The following ZNF215 variants were observed in gnomAD, a reference collection of about 807,000 sequenced individuals.
ZNF215 encodes the protein zinc finger protein 215, also known as BWSCR2-associated zinc finger protein 2.
In ZNF215, 24 loss-of-function variants were observed where a neutral mutation model predicts 27.2. The ratio of observed to expected loss-of-function variants is 0.88; its 90% confidence interval spans 0.64 to 1.24. The LOEUF is 1.24. ZNF215 is among the 50% of genes most tolerant of loss of function. ZNF215 has a pLI of 0.00. For synonymous variants in ZNF215, 210 were observed against 204.0 expected (o/e 1.03, Z -0.25); for missense variants, 675 against 605.7 (o/e 1.11, Z -1.20).
intron 5 of ZNF215, among the ~76,000 whole-genome samples, chr11:6,965,678 A>G (rs975733255): frequency 2.0e-5 from 3 of 152,192 alleles, no homozygotes; most frequent in Non-Finnish European, 4.4e-5. Flanking sequence ...CATTATAAAT[A>G]GTACTGTTTT....
At chr11:6,951,525 G>A (rs1301859023) in intron 6 of ZNF215, among the ~76,000 whole-genome samples, 1 of 152,128 alleles carries the variant, frequency 6.6e-6, no homozygotes, top group Non-Finnish European at 1.5e-5. Context: ...TTGCATAGAG[G>A]TGTTTGTAGT....
chr11:6,930,022 C>T (rs1190780237), intron 2 of ZNF215, among the ~76,000 whole-genome samples: 1 of 151,312 alleles, frequency 6.6e-6, no homozygotes, highest in African/African-American at 2.4e-5. Context: ...TTATATTGTT[C>T]CAGATTTGGC....
chr11:6,934,502 A>G (rs772890488), intron 3 of ZNF215, among the ~76,000 whole-genome samples: 7 of 152,200 alleles, frequency 4.6e-5, no homozygotes, highest in Non-Finnish European at 1.0e-4. Context: ...CTCAGCTAAA[A>G]TCAAGGTAGT....
At chr11:6,929,700 T>A (rs910800032) in intron 2 of ZNF215, among the ~76,000 whole-genome samples, 1 of 152,194 alleles carries the variant, frequency 6.6e-6, no homozygotes, top group Admixed American at 6.5e-5. Context: ...ACATGACTTA[T>A]CGCTATTAAT....
At chr11:6,958,880 C>T (rs995462275), downstream of ZNF215, among the ~76,000 whole-genome samples, 1 of 152,182 alleles carries the variant, frequency 6.6e-6, no homozygotes, top group Non-Finnish European at 1.5e-5. Context: ...GGCTGGAAGA[C>T]TAAGCCAGTC....
intron 1 of ZNF215, among the ~76,000 whole-genome samples, chr11:6,927,361 G>C (rs538506978): frequency 1.3e-5 from 2 of 152,064 alleles, no homozygotes; most frequent in African/African-American, 4.8e-5. Context: ...AGCTACTCTC[G>C]CCAGGTGGTT....
chr11:6,949,422 C>G (rs1292023610), intron 6 of ZNF215, among the ~76,000 whole-genome samples: 1 of 151,892 alleles, frequency 6.6e-6, no homozygotes, highest in African/African-American at 2.4e-5. Context: ...TGTTTCCTGA[C>G]TTTTTAATGA....
In ZNF215 at chr11:6,967,006, T is replaced by C. The variant is rs148297898; in HGVS notation, c.805+11224T>C. 8.0e-3 allele frequency among the ~76,000 whole-genome samples: 1,216 copies of C among 152,118 alleles called. 14 individuals are homozygous for C. Among genetic ancestry groups the C allele is most frequent in the African/African-American group, 0.028 (1,167 of 41,466 alleles). On this transcript the variant is annotated intron_variant, in intron 5 of 5. Coordinates refer to the ZNF215 transcript ENST00000529903. ...CCCTGGTGTATGATGTTCCCCTCCC[T>C]GTGTCCATGTGTTCTCTTTGTTCAC...
downstream of ZNF215, among the ~76,000 whole-genome samples, chr11:6,985,519 C>T (rs2172228): frequency 6.6e-6 from 1 of 151,610 alleles, no homozygotes; most frequent in Non-Finnish European, 1.5e-5. Flanking sequence ...CTCCTATTCA[C>T]CTTAGTAGTG....
rs1478180344 is a variant in ZNF215, at chr11:6,926,562, G to C, written c.-449G>C. On this transcript the variant is annotated 5_prime_UTR_variant, in exon 1 of 7. Coordinates refer to ENST00000278319, the MANE Select transcript of ZNF215 (RefSeq NM_013250.4). ...TGTTCCGCGGCAATTTATGAAACTC[G>C]GAGCCGGCAGTGAGTTGAGGGTTCG... 6.6e-6 allele frequency: 1 copy of C among 152,304 alleles called. No homozygotes were observed. Among genetic ancestry groups the C allele is most frequent in the African/African-American group, 2.4e-5 (1 of 41,458 alleles). 9.4% of individuals were successfully genotyped at this position (152,304 alleles called of 1,614,324 possible). A position where few individuals can be genotyped will look rare whatever the true frequency, so the allele number is the denominator to read the frequency against.
downstream of ZNF215, among the ~76,000 whole-genome samples, chr11:6,961,250 C>T (rs1205168582): frequency 8.5e-5 from 13 of 152,056 alleles, no homozygotes; most frequent in African/African-American, 2.7e-4. Context: ...ACAAAGAATG[C>T]TTGCATTTTT....
chr11:6,955,813 A>T lies in ZNF215; in HGVS notation c.836A>T (p.Lys279Ile). The T allele has an allele frequency of 6.2e-7, 1 of 1,613,886 alleles. No homozygotes were observed. Among genetic ancestry groups the T allele is most frequent in the Non-Finnish European group, 8.5e-7 (1 of 1,179,968 alleles). The change falls in exon 7 of 7, where the codon AAA becomes ATA. Residue 279 changes from lysine (K) to isoleucine (I), a missense_variant. Coordinates refer to ENST00000278319, the MANE Select transcript of ZNF215 (RefSeq NM_013250.4). ...AATTGGTTATATAGGAACCAGAAAA[A>T]ATGGGACATAAATTTGCCACAAGAG... ...GENWLYRNQK[K>I]WDINLPQEAF... is the part of the protein sequence containing the mutation.
At chr11:6,931,726 G>A (rs990012657) in intron 2 of ZNF215, among the ~76,000 whole-genome samples, 98 of 152,226 alleles carry the variant, frequency 6.4e-4, no homozygotes, top group African/African-American at 2.2e-3. Flanking sequence ...CTTTGGGTAA[G>A]GTTTTTCAGT....
chr11:6,935,358 T>G (rs1404913433), intron 3 of ZNF215, among the ~76,000 whole-genome samples: 1 of 152,198 alleles, frequency 6.6e-6, no homozygotes, highest in Non-Finnish European at 1.5e-5. Context: ...ATACACACAA[T>G]GCATCTGCAG....
intron 6 of ZNF215, among the ~76,000 whole-genome samples, chr11:6,946,382 C>T (rs754100667): frequency 7.2e-5 from 11 of 152,176 alleles, no homozygotes; most frequent in Non-Finnish European, 1.3e-4. Context: ...CCTCCCCTCA[C>T]TCTTTGTACT....
rs1031394414 is a variant in ZNF215 at position 6,940,182 on chromosome 11, G to A, written c.401-1389G>A. On this transcript the variant is annotated intron_variant, in intron 3 of 6. Transcript: ENST00000278319. ...CAGGAGTTTGAGATTGTAGTGAGGT[G>A]TGACTGTGCCATACTGCACTCCAGC... 2.4e-4 allele frequency among the ~76,000 whole-genome samples: 36 copies of A among 151,268 alleles called. 1 individual carries two copies. The highest frequency in any genetic ancestry group is 2.3e-3 in the Admixed American group (35 of 15,198).
Position 6,932,598 on chromosome 11 carries a change from A to C in ZNF215, c.326A>C (p.Asn109Thr). 3.1e-6 allele frequency: 5 copies of C among 1,614,198 alleles called. No homozygotes were observed. In the South Asian group the frequency reaches 4.4e-5, roughly 14 times the overall value. ...CCTGAAGAAGTCAGGACTTGGGTGAATTTACAACATCCAAACAACAGTAAA... is the reference window on the plus strand; with the variant it reads ...CCTGAAGAAGTCAGGACTTGGGTGACTTTACAACATCCAAACAACAGTAAA... ...ILPEEVRTWV[N>T]LQHPNNSKDM... The change falls in exon 3 of 7, where the codon AAT (asparagine) becomes ACT (threonine). Residue 109 changes from asparagine (N) to threonine (T), a missense_variant. Asn to Thr is a moderately conservative substitution (Grantham distance 65). Transcript: ENST00000278319.
chr11:6,932,498 T>C lies in ZNF215; in HGVS notation c.226T>C (p.Trp76Arg). 1 of 1,614,188 alleles carries C rather than the reference T, an allele frequency of 6.2e-7. No homozygotes were observed. The highest frequency in any genetic ancestry group is 8.5e-7 in the Non-Finnish European group (1 of 1,180,026). ...LSQLWELCLQ[W>R]LRPEIHTKKQ... ...CCAACTCTGGGAGCTCTGTCTTCAA[T>C]GGCTGAGACCAGAGATTCATACAAA... Residue 76 changes from tryptophan to arginine, a missense_variant, in exon 3 of 7, where the codon TGG becomes CGG. Trp to Arg is a moderately radical substitution (Grantham distance 101). Coordinates refer to ENST00000278319, the MANE Select transcript of ZNF215 (RefSeq NM_013250.4).
rs560669627 is a variant in ZNF215 at position 6,934,420 on chromosome 11, A to G, written c.400+1748A>G. The stretch of plus-strand genomic sequence containing the variant: ...TTGCTACTATAATAAATTACCACAA[A>G]CTTGGTGGCTTAAAACAACATGAAT... On this transcript the variant is annotated intron_variant, in intron 3 of 6. Coordinates refer to ENST00000278319, the MANE Select transcript of ZNF215 (RefSeq NM_013250.4). 2.6e-5 allele frequency among the ~76,000 whole-genome samples: 4 copies of G among 152,298 alleles called. 1 individual carries two copies. In the South Asian group the frequency reaches 8.3e-4, roughly 32 times the overall value.
Sources: gnomAD v4.1 joint callset for allele counts (sites outside exome capture counted in the v4.1 genomes callset) on GRCh38, gnomAD v4.1.1 for gene constraint, MANE v1.5 for transcripts, NCBI Gene and HGNC (gene_info 2026-07-23, HGNC 2026-07-21) for gene names.